CLGN: variants seen among roughly 807,000 people sequenced by gnomAD.
The protein encoded by CLGN is testis tissue sperm-binding protein Li 79P.
In CLGN, 62 loss-of-function variants were observed where a neutral mutation model predicts 79.1. The observed-to-expected ratio is 0.78, with a 90% CI of 0.64 to 0.97. The LOEUF (loss-of-function observed/expected upper bound fraction) is 0.97, where lower values mean the gene tolerates loss of function less well. Ranked by LOEUF, CLGN falls within the 50% of genes least tolerant of loss-of-function variation. CLGN has a pLI of 0.00. For missense variants in CLGN, 647 were observed against 715.5 expected (o/e 0.90, Z 1.09); for synonymous variants, 225 against 224.7 (o/e 1.00, Z -0.01).
chr4:140,400,583 G>T (rs755821979), intron 6 of CLGN, 34 bp from the exon 7 acceptor site: 2 of 1,358,150 alleles, frequency 1.5e-6, no homozygotes, highest in East Asian at 4.7e-5. Flanking sequence ...CATTAGTCCA[G>T]AATCACAGAC....
chr4:140,394,661 A>G (rs1728835608), intron 10 of CLGN, among the ~76,000 whole-genome samples: 1 of 152,242 alleles, frequency 6.6e-6, no homozygotes, highest in South Asian at 2.1e-4. Flanking sequence ...TTTAAAGTCA[A>G]ATAAAAGAGA....
At chr4:140,389,474 T>G (rs1364326114) in intron 14 of CLGN, among the ~76,000 whole-genome samples, 170 bp from the exon 15 acceptor site, 1 of 151,796 alleles carries the variant, frequency 6.6e-6, no homozygotes, top group Non-Finnish European at 1.5e-5. Flanking sequence ...TATACAAAAA[T>G]CGATGTATTC....
At chr4:140,411,660 G>A (rs1475636831) in intron 2 of CLGN, among the ~76,000 whole-genome samples, 1 of 151,968 alleles carries the variant, frequency 6.6e-6, no homozygotes. Flanking sequence ...AACACTTCCT[G>A]TCTGTTTAAG....
intron 1 of CLGN, among the ~76,000 whole-genome samples, chr4:140,419,764 T>C (rs1158907484): frequency 6.6e-6 from 1 of 152,160 alleles, no homozygotes; most frequent in Non-Finnish European, 1.5e-5. Flanking sequence ...TGTCATTAAC[T>C]AGGATTTGAT....
intron 5 of CLGN, among the ~76,000 whole-genome samples, chr4:140,404,228 G>A (rs1387529544): frequency 1.3e-5 from 2 of 151,802 alleles, no homozygotes; most frequent in Non-Finnish European, 2.9e-5. Context: ...CGAGTAGCTG[G>A]GGCTACAGGC....
At chr4:140,405,821 T>G in intron 5 of CLGN, 121 bp downstream of exon 5, 1 of 941,320 alleles carries the variant, frequency 1.1e-6, no homozygotes, top group Non-Finnish European at 1.6e-6. Flanking sequence ...GTGTTTTAAC[T>G]AAGTGAAACG....
rs368272477 is a variant in CLGN, at chr4:140,396,416, C to G, written c.885-211G>C. The stretch of plus-strand genomic sequence containing the variant: ...CTATGCATACATGCACACACGTATA[C>G]ATTCTTTTTTTTAATACGAATGATA... On this transcript the variant is annotated intron_variant, in intron 8 of 14. Coordinates refer to ENST00000325617, the MANE Select transcript of CLGN (RefSeq NM_004362.3). Among the ~76,000 whole-genome samples the G allele has an allele frequency of 9.9e-5, 15 of 152,112 alleles. No individual in the cohort carries two copies. The East Asian group carries it at 1.7e-3, about 18-fold the overall frequency.
chr4:140,401,832 C>T (rs1214422026), intron 6 of CLGN, among the ~76,000 whole-genome samples, 153 bp downstream of exon 6: 2 of 151,904 alleles, frequency 1.3e-5, no homozygotes, highest in African/African-American at 2.4e-5. Flanking sequence ...AACTTGAAGG[C>T]GAATTGTAAG....
chr4:140,396,046 T>C (rs1371038436), intron 9 of CLGN, 46 bp downstream of exon 9: 5 of 1,609,612 alleles, frequency 3.1e-6, no homozygotes, highest in Non-Finnish European at 4.3e-6. Flanking sequence ...CAAAAATGCA[T>C]GTAAGAAACA....
chr4:140,414,446 CTT>C (rs1560747023), intron 1 of CLGN, among the ~76,000 whole-genome samples: 3 of 151,650 alleles, frequency 2.0e-5, no homozygotes, highest in Non-Finnish European at 2.9e-5. Context: ...AAGTTGAAAA[CTT>C]TGAAAAAAAT....
intron 8 of CLGN, among the ~76,000 whole-genome samples, chr4:140,398,380 C>T (rs2126618497): frequency 6.6e-6 from 1 of 150,646 alleles, no homozygotes; most frequent in African/African-American, 2.4e-5. Flanking sequence ...AGCAATTCTC[C>T]TGCCTCAGCC....
intron 1 of CLGN, among the ~76,000 whole-genome samples, chr4:140,421,395 C>T (rs1283494535): frequency 6.6e-6 from 1 of 151,948 alleles, no homozygotes; most frequent in Non-Finnish European, 1.5e-5. Flanking sequence ...GTGGCTTTAC[C>T]ATTTTACCTT....
intron 4 of CLGN, among the ~76,000 whole-genome samples, chr4:140,407,925 C>A (rs757468711): frequency 3.4e-4 from 51 of 152,072 alleles, no homozygotes; most frequent in Non-Finnish European, 6.9e-4. Flanking sequence ...CATTACCTGA[C>A]TTCAAATTAT....
chr4:140,411,812 G>T (rs1729217871), intron 2 of CLGN, among the ~76,000 whole-genome samples: 1 of 151,956 alleles, frequency 6.6e-6, no homozygotes, highest in African/African-American at 2.4e-5. Flanking sequence ...GACAAAACGG[G>T]CAGTGGTGTC....
chr4:140,403,678 T>G (rs2126622605), intron 5 of CLGN, among the ~76,000 whole-genome samples: 2 of 152,372 alleles, frequency 1.3e-5, no homozygotes, highest in South Asian at 4.1e-4. Flanking sequence ...GCTGCATAAA[T>G]GTGAACACAG....
chr4:140,408,382 G>C (rs1009686808), intron 4 of CLGN, among the ~76,000 whole-genome samples: 1 of 152,124 alleles, frequency 6.6e-6, no homozygotes, highest in Non-Finnish European at 1.5e-5. Flanking sequence ...AATCATCAGA[G>C]TAAACAGATA....
At chr4:140,422,119 T>C (rs1170364566) in intron 1 of CLGN, among the ~76,000 whole-genome samples, 2 of 152,194 alleles carry the variant, frequency 1.3e-5, no homozygotes, top group Non-Finnish European at 2.9e-5. Flanking sequence ...AGGCTCTTTA[T>C]TGTATCCCAT....
rs1253347517 is a variant in CLGN at position 140,409,893 on chromosome 4, C to T, written c.221G>A (p.Trp74Ter). 1 of 1,594,936 alleles carries T rather than the reference C, an allele frequency of 6.3e-7. No individual in the cohort carries two copies. Among genetic ancestry groups the T allele is most frequent in the South Asian group, 1.1e-5 (1 of 89,214 alleles). ...ETFDSGRLAG[W>*]VLSKAKKDDM... ...ATCTTTCTTTGCTTTTGATAAGACC[C>T]ATCTGTAAATAAAGTTGAACATACA... is the stretch of plus-strand genomic sequence containing the variant. Residue 74 changes from tryptophan to a stop codon, truncating the protein, a stop_gained and splice_region_variant, in exon 4 of 15, where the codon TGG (tryptophan) becomes TAG (stop). Transcript: ENST00000325617. LOFTEE classifies it high-confidence loss of function.
chr4:140,398,410 C>T (rs1728934648), intron 8 of CLGN, among the ~76,000 whole-genome samples: 1 of 151,744 alleles, frequency 6.6e-6, no homozygotes, highest in Non-Finnish European at 1.5e-5. Context: ...GCTGGGATTA[C>T]AGGCACCCGC....
Sources: allele counts gnomAD v4.1 joint callset (sites outside exome capture counted in the v4.1 genomes callset), GRCh38; gene constraint gnomAD v4.1.1; transcripts MANE v1.5; gene names NCBI Gene and HGNC (gene_info 2026-07-23, HGNC 2026-07-21).